The following TENM4 variants were observed in gnomAD, a reference collection of about 807,000 sequenced individuals.
TENM4 encodes the protein teneurin-4.
A neutral mutation model predicts 243.3 loss-of-function variants in TENM4; 82 were observed. That is an observed-to-expected ratio of 0.34 (90% CI 0.28 to 0.40). TENM4 has a LOEUF of 0.40. TENM4 is among the 10% of genes least tolerant of loss of function. The pLI, the probability that TENM4 is intolerant of heterozygous loss-of-function variation, is 1.00. For missense variants in TENM4, 3,138 were observed against 3,673.3 expected (o/e 0.85, Z 3.77); for synonymous variants, 1,412 against 1,456.3 (o/e 0.97, Z 0.69).
At chr11:79,292,479 A>G (rs761700060) in intron 2 of TENM4, among the ~76,000 whole-genome samples, 1 of 152,200 alleles carries the variant, frequency 6.6e-6, no homozygotes, top group Non-Finnish European at 1.5e-5. Context: ...GTGGCTTTTC[A>G]TGCTGTCTTT....
chr11:78,658,543 A>T lies in TENM4; in HGVS notation c.7825T>A (p.Phe2609Ile), dbSNP rs1028543720. 6.2e-7 allele frequency: 1 copy of T among 1,614,058 alleles called. No individual in the cohort carries two copies. Among genetic ancestry groups the T allele is most frequent in the Non-Finnish European group, 8.5e-7 (1 of 1,179,900 alleles). ...NHAHYLENLH[F>I]TIDGVDTHYF... ...TGGGTATCCACCCCATCAATGGTGAAGTGCAGGTTCTCTAGGTAGTGGGCA... is the reference window on the plus strand; with the variant it reads ...TGGGTATCCACCCCATCAATGGTGATGTGCAGGTTCTCTAGGTAGTGGGCA... The change falls in exon 34 of 34, where the codon TTC (phenylalanine) becomes ATC (isoleucine). Residue 2609 changes from phenylalanine (F) to isoleucine (I), a missense_variant. By Grantham distance (21) the Phe-to-Ile change is conservative. Coordinates refer to ENST00000278550, the MANE Select transcript of TENM4 (RefSeq NM_001098816.3).
At chr11:79,254,055 G>A (rs918122093) in intron 2 of TENM4, among the ~76,000 whole-genome samples, 1 of 152,172 alleles carries the variant, frequency 6.6e-6, no homozygotes, top group Non-Finnish European at 1.5e-5. Context: ...CCACAGGAAA[G>A]GGGCATCCTC....
chr11:78,810,605 C>T (rs1857477330), intron 14 of TENM4, among the ~76,000 whole-genome samples: 2 of 152,228 alleles, frequency 1.3e-5, no homozygotes, highest in South Asian at 2.1e-4. Context: ...CTCTCTCAGA[C>T]AGCCCAAAGT....
rs541250451 is a variant in TENM4 at position 79,440,776 on chromosome 11, T to C, written c.-588A>G. On this transcript the variant is annotated 5_prime_UTR_variant, in exon 1 of 34. Coordinates refer to ENST00000278550, the MANE Select transcript of TENM4 (RefSeq NM_001098816.3). The surrounding 1 kb of genome is among the most constrained non-coding windows in gnomAD (Gnocchi z 4.7). ...CCCGGCCGCTCCCGGCCGGCGTCCC[T>C]GCCAGCACTGCTGCCCCACATGAAA... 3.2e-3 allele frequency: 491 copies of C among 152,144 alleles called. 3 individuals carry two copies. The highest frequency in any genetic ancestry group is 3.5e-3 in the Middle Eastern group (1 of 284). 9.4% of individuals were successfully genotyped at this position (152,144 alleles called of 1,614,324 possible). A position where few individuals can be genotyped will look rare whatever the true frequency, so the allele number is the denominator to read the frequency against.
intron 17 of TENM4, among the ~76,000 whole-genome samples, chr11:78,773,462 C>CT (rs1454736849): frequency 6.6e-6 from 1 of 152,194 alleles, no homozygotes; most frequent in Admixed American, 6.5e-5. Context: ...TACCTTCTCT[C>CT]TATTTTGGGC....
At chr11:79,138,615 T>C (rs1323425527) in intron 4 of TENM4, among the ~76,000 whole-genome samples, 1 of 101,606 alleles carries the variant, frequency 9.8e-6, no homozygotes, top group East Asian at 2.3e-4. Flanking sequence ...TTTATATAAA[T>C]ACATAAAACA....
intron 6 of TENM4, among the ~76,000 whole-genome samples, chr11:79,033,787 CTT>C (rs759876311): frequency 3.9e-5 from 6 of 152,160 alleles, no homozygotes; most frequent in Admixed American, 6.5e-5. Flanking sequence ...AATAAATAGA[CTT>C]GATTTGATTT....
chr11:79,080,889 C>T (rs1343886623), intron 4 of TENM4, among the ~76,000 whole-genome samples: 1 of 152,162 alleles, frequency 6.6e-6, no homozygotes, highest in East Asian at 1.9e-4. Flanking sequence ...CTGACTTTCT[C>T]TGGGCTTATT....
At chr11:78,921,019 G>A (rs1424524254) in intron 6 of TENM4, among the ~76,000 whole-genome samples, 2 of 152,220 alleles carry the variant, frequency 1.3e-5, no homozygotes, top group Non-Finnish European at 2.9e-5. Context: ...TTTCACGAAT[G>A]AGGAAACTGG....
chr11:79,364,093 TTTG>T (rs1479128930), intron 1 of TENM4, among the ~76,000 whole-genome samples: 2 of 152,236 alleles, frequency 1.3e-5, no homozygotes, highest in Non-Finnish European at 1.5e-5. Context: ...GGAAAAATGC[TTTG>T]GGTGACCCTT....
intron 18 of TENM4, among the ~76,000 whole-genome samples, chr11:78,764,604 G>A (rs1856502124): frequency 6.6e-6 from 1 of 152,222 alleles, no homozygotes. Flanking sequence ...ATGGGGTGTG[G>A]TGGAAGCCAT....
chr11:79,289,165 C>A (rs1179260557), intron 2 of TENM4, among the ~76,000 whole-genome samples: 2 of 152,154 alleles, frequency 1.3e-5, no homozygotes, highest in Non-Finnish European at 2.9e-5. Flanking sequence ...TTTTCATGAG[C>A]AAATTCCAGA....
intron 6 of TENM4, among the ~76,000 whole-genome samples, chr11:79,010,534 A>G (rs1401918868): frequency 6.6e-6 from 1 of 152,188 alleles, no homozygotes; most frequent in Non-Finnish European, 1.5e-5. Context: ...TAATGGACTC[A>G]CAGTTCCACA....
At chr11:78,802,926 A>T (rs1382844583) in intron 15 of TENM4, among the ~76,000 whole-genome samples, 1 of 152,146 alleles carries the variant, frequency 6.6e-6, no homozygotes, top group African/African-American at 2.4e-5. Context: ...CTTATAATCA[A>T]ATGTCTTTGT....
intron 9 of TENM4, among the ~76,000 whole-genome samples, chr11:78,881,641 C>A (rs970361145): frequency 1.3e-5 from 2 of 152,168 alleles, no homozygotes; most frequent in African/African-American, 4.8e-5. Flanking sequence ...AAATTAAAAG[C>A]AAATGAATGA....
At chr11:78,850,607 T>C (rs965169024) in intron 12 of TENM4, among the ~76,000 whole-genome samples, 3 of 152,226 alleles carry the variant, frequency 2.0e-5, no homozygotes, top group African/African-American at 7.2e-5. Flanking sequence ...AGTCTGTTTT[T>C]GTATTAGAGA....
intron 15 of TENM4, among the ~76,000 whole-genome samples, chr11:78,796,277 C>G (rs971539952): frequency 3.3e-5 from 5 of 152,042 alleles, no homozygotes; most frequent in African/African-American, 1.2e-4. Context: ...TTGGAGGAGG[C>G]CTCCAAATAG....
chr11:78,907,243 C>T (rs1053372462), intron 6 of TENM4, among the ~76,000 whole-genome samples: 4 of 143,776 alleles, frequency 2.8e-5, no homozygotes, highest in Non-Finnish European at 6.0e-5. Flanking sequence ...TGAATGGACT[C>T]CTTTTTTTTT....
intron 4 of TENM4, among the ~76,000 whole-genome samples, chr11:79,070,834 C>A (rs1860395923): frequency 6.6e-6 from 1 of 152,220 alleles, no homozygotes; most frequent in Non-Finnish European, 1.5e-5. Flanking sequence ...CTAAAGCCTG[C>A]ATTTTTCCTA....
Sources: allele counts gnomAD v4.1 joint callset (sites outside exome capture counted in the v4.1 genomes callset), GRCh38; gene constraint gnomAD v4.1.1; non-coding constraint Gnocchi (gnomAD v3.1); transcripts MANE v1.5; gene names NCBI Gene and HGNC (gene_info 2026-07-23, HGNC 2026-07-21).